SLC35F1: variants seen among roughly 807,000 people sequenced by gnomAD.
SLC35F1 encodes solute carrier family 35 member F1.
SLC35F1 carries 14 observed loss-of-function variants against 48.7 expected under a neutral mutation model. The observed-to-expected ratio is 0.29, with a 90% CI of 0.19 to 0.45. The LOEUF (loss-of-function observed/expected upper bound fraction) is 0.45. Ranked by LOEUF, SLC35F1 falls within the 20% of genes least tolerant of loss-of-function variation. The probability of loss-of-function intolerance (pLI) is 1.00; values close to 1 mark genes in which losing one functional copy is unlikely to be tolerated. For missense variants in SLC35F1, 404 were observed against 500.0 expected (o/e 0.81, Z 1.83); for synonymous variants, 190 against 202.2 (o/e 0.94, Z 0.51).
At chr6:117,995,149 G>T (rs1036544241) in intron 1 of SLC35F1, among the ~76,000 whole-genome samples, 19 of 152,220 alleles carry the variant, frequency 1.2e-4, no homozygotes, top group African/African-American at 4.6e-4. Flanking sequence ...TATTTTGCAA[G>T]GTAACTATTT....
intron 1 of SLC35F1, among the ~76,000 whole-genome samples, chr6:117,950,243 A>G (rs1776346671): frequency 6.6e-6 from 1 of 152,178 alleles, no homozygotes; most frequent in Admixed American, 6.5e-5. Context: ...GGGCCCATAC[A>G]TCTAGCAAGG....
At chr6:118,041,486 T>A (rs1772219032) in intron 1 of SLC35F1, among the ~76,000 whole-genome samples, 1 of 152,122 alleles carries the variant, frequency 6.6e-6, no homozygotes, top group Non-Finnish European at 1.5e-5. Flanking sequence ...CCTACTATTG[T>A]GCCAGACAGT....
intron 1 of SLC35F1, among the ~76,000 whole-genome samples, chr6:118,150,647 A>G (rs1562306311): frequency 6.6e-6 from 1 of 152,204 alleles, no homozygotes; most frequent in African/African-American, 2.4e-5. Flanking sequence ...AGCATCAAGA[A>G]CAACTCTTAT....
rs1369752162 is a variant in SLC35F1 at position 118,317,144 on chromosome 6, G to A, written c.*2892G>A. On this transcript the variant is annotated 3_prime_UTR_variant, in exon 8 of 8. Transcript: ENST00000360388. ...TTATATAGAATTTGATCAGGTAAGA[G>A]CGAACCACAATTCTCCTGAACCCTG... 6.6e-6 allele frequency: 1 copy of A among 152,586 alleles called. No individual in the cohort carries two copies. The highest frequency in any genetic ancestry group is 2.4e-5 in the African/African-American group (1 of 41,430). The allele number at this position is 152,586 out of a possible 1,614,324, so 9.5% of individuals were successfully genotyped here. A position where few individuals can be genotyped will look rare whatever the true frequency, so the allele number is the denominator to read the frequency against.
At chr6:118,012,632 A>G (rs532574147) in intron 1 of SLC35F1, among the ~76,000 whole-genome samples, 1 of 152,272 alleles carries the variant, frequency 6.6e-6, no homozygotes, top group African/African-American at 2.4e-5. Context: ...GCTTCACTTT[A>G]TTTGCTTTCT....
At chr6:118,161,866 C>G (rs1774240623) in intron 2 of SLC35F1, among the ~76,000 whole-genome samples, 1 of 152,228 alleles carries the variant, frequency 6.6e-6, no homozygotes, top group South Asian at 2.1e-4. Flanking sequence ...GAATCCACTT[C>G]TAGCAAAACT....
rs754801753 is a variant in SLC35F1 at position 118,314,075 on chromosome 6, G to C, written c.1050G>C (p.Leu350=). 28 of 1,614,088 alleles carry C rather than the reference G, an allele frequency of 1.7e-5. No homozygotes were observed. The South Asian group carries it at 3.1e-4, about 18-fold the overall frequency. Residue 350 remains leucine (L), a synonymous_variant, in exon 8 of 8, where the codon CTG becomes CTC. Coordinates refer to ENST00000360388, the MANE Select transcript of SLC35F1 (RefSeq NM_001029858.4). ...CTTTCTTCACCATCCTCATTGGGCT[G>C]GTGCTCTACTCCTCCACCTCCACCT... The part of the protein sequence containing the change: ...LLSFFTILIG[L]VLYSSTSTYI...
At chr6:118,075,010 C>T (rs1172725282) in intron 1 of SLC35F1, among the ~76,000 whole-genome samples, 1 of 152,126 alleles carries the variant, frequency 6.6e-6, no homozygotes, top group Admixed American at 6.5e-5. Context: ...ACACAAGTGC[C>T]AAAACTTTAC....
At chr6:117,922,711 G>T (rs1214150157) in intron 1 of SLC35F1, among the ~76,000 whole-genome samples, 4 of 152,192 alleles carry the variant, frequency 2.6e-5, no homozygotes, top group Non-Finnish European at 5.9e-5. Flanking sequence ...AGGTCTGATT[G>T]CAGTGCTACA....
chr6:118,127,449 G>C (rs1472105038), intron 1 of SLC35F1, among the ~76,000 whole-genome samples: 1 of 151,624 alleles, frequency 6.6e-6, no homozygotes, highest in East Asian at 1.9e-4. Flanking sequence ...TCTCTTTTTT[G>C]GTTGTGTCTC....
chr6:118,193,342 G>C (rs1774757673), intron 2 of SLC35F1, among the ~76,000 whole-genome samples: 1 of 152,136 alleles, frequency 6.6e-6, no homozygotes, highest in Non-Finnish European at 1.5e-5. Flanking sequence ...AGAAAACCCT[G>C]TTGTGCTCTT....
At chr6:118,058,357 A>C (rs1258389773) in intron 1 of SLC35F1, among the ~76,000 whole-genome samples, 2 of 152,164 alleles carry the variant, frequency 1.3e-5, no homozygotes, top group African/African-American at 4.8e-5. Context: ...GCACCTGTGA[A>C]TCTTGTAAAT....
intron 1 of SLC35F1, among the ~76,000 whole-genome samples, chr6:118,004,890 T>G (rs2114871120): frequency 6.6e-6 from 1 of 152,070 alleles, no homozygotes; most frequent in South Asian, 2.1e-4. Flanking sequence ...GTGCTAGAGA[T>G]AGATCTAGTT....
intron 4 of SLC35F1, 149 bp downstream of exon 4, chr6:118,267,303 G>A: frequency 1.1e-6 from 1 of 922,538 alleles, no homozygotes; most frequent in Non-Finnish European, 1.7e-6. Flanking sequence ...CCCCACACCT[G>A]AAACAGGGCA....
Position 118,314,393 on chromosome 6 carries a change from G to C in SLC35F1, c.*141G>C. The C allele has an allele frequency of 1.4e-6, 1 of 711,994 alleles. No homozygotes were observed. The highest frequency in any genetic ancestry group is 2.3e-6 in the Non-Finnish European group (1 of 426,476). 44.1% of individuals were successfully genotyped at this position (711,994 alleles called of 1,614,324 possible). A position where few individuals can be genotyped will look rare whatever the true frequency, so the allele number is the denominator to read the frequency against. ...AAGGTAGCAAATCCTCCAAAAGCTTGTGAAAGGAACAAGCTCAACATCACT... is the reference window on the plus strand; with the variant it reads ...AAGGTAGCAAATCCTCCAAAAGCTTCTGAAAGGAACAAGCTCAACATCACT... On this transcript the variant is annotated 3_prime_UTR_variant, in exon 8 of 8. Coordinates refer to ENST00000360388, the MANE Select transcript of SLC35F1 (RefSeq NM_001029858.4).
At chr6:118,148,906 G>C (rs1019719932) in intron 1 of SLC35F1, among the ~76,000 whole-genome samples, 1 of 152,112 alleles carries the variant, frequency 6.6e-6, no homozygotes, top group Non-Finnish European at 1.5e-5. Context: ...CATGATTTTT[G>C]TCTTTCAGAG....
At chr6:118,168,466 A>T (rs1774351431) in intron 2 of SLC35F1, among the ~76,000 whole-genome samples, 2 of 152,178 alleles carry the variant, frequency 1.3e-5, no homozygotes, top group African/African-American at 4.8e-5. Flanking sequence ...AACAATTATA[A>T]CAATATACTG....
At chr6:118,113,783 C>T (rs1773440786) in intron 1 of SLC35F1, among the ~76,000 whole-genome samples, 1 of 152,116 alleles carries the variant, frequency 6.6e-6, no homozygotes, top group African/African-American at 2.4e-5. Flanking sequence ...TTCTCCCCAG[C>T]TTCTTATTTT....
intron 1 of SLC35F1, among the ~76,000 whole-genome samples, chr6:118,119,409 A>G (rs1773520328): frequency 6.6e-6 from 1 of 152,030 alleles, no homozygotes; most frequent in Non-Finnish European, 1.5e-5. Context: ...ATTACTCAAC[A>G]TAATCTCAGT....
Sources: gnomAD v4.1 joint callset for allele counts (sites outside exome capture counted in the v4.1 genomes callset) on GRCh38, gnomAD v4.1.1 for gene constraint, MANE v1.5 for transcripts, NCBI Gene and HGNC (gene_info 2026-07-23, HGNC 2026-07-21) for gene names.